Variants in HOXA3 observed in about 807,000 individuals in gnomAD.
HOXA3 encodes homeobox protein Hox-A3.
In HOXA3, 8 loss-of-function variants were observed where a neutral mutation model predicts 30.3. The ratio of observed to expected loss-of-function variants is 0.26; its 90% confidence interval spans 0.15 to 0.48. The LOEUF (loss-of-function observed/expected upper bound fraction) is 0.48, where lower values mean the gene tolerates loss of function less well. HOXA3 is among the 20% of genes least tolerant of loss of function. The probability of loss-of-function intolerance (pLI) is 0.99; values close to 1 mark genes in which losing one functional copy is unlikely to be tolerated. For missense variants in HOXA3, 653 were observed against 614.4 expected, an observed-to-expected ratio of 1.06 and a Z score of -0.66; for synonymous variants, 323 against 273.1, an observed-to-expected ratio of 1.18 and a Z score of -1.80.
chr7:27,143,742 A>T, intron 1 of HOXA3: 1 of 1,419,348 alleles, frequency 7.0e-7, no homozygotes, highest in Non-Finnish European at 9.2e-7. Flanking sequence ...GCACCCAAAT[A>T]TGGGGTACGA....
intron 1 of HOXA3, chr7:27,142,938 T>TG: frequency 9.5e-7 from 1 of 1,057,230 alleles, no homozygotes; most frequent in Non-Finnish European, 1.4e-6. Context: ...TCCGCAGGGC[T>TG]GGGAGAAATG....
intron 2 of HOXA3, among the ~76,000 whole-genome samples, chr7:27,139,042 G>C (rs1304456999): frequency 1.3e-5 from 2 of 152,116 alleles, no homozygotes; most frequent in South Asian, 2.1e-4. Context: ...GTTATCCAGG[G>C]GGCCGCCTAA....
At chr7:27,114,609 T>A (rs1358304150) in intron 4 of HOXA3, among the ~76,000 whole-genome samples, 5 of 150,730 alleles carry the variant, frequency 3.3e-5, no homozygotes, top group African/African-American at 1.2e-4. Context: ...AATGGGATGC[T>A]CTGGGCTCAG....
chr7:27,119,665 A>C (rs889767471), intron 4 of HOXA3: 1 of 152,116 alleles, frequency 6.6e-6, no homozygotes, highest in Non-Finnish European at 1.5e-5. Flanking sequence ...GTGAGGACTC[A>C]CTTATAGCAG....
At chr7:27,145,934 C>CCGGG (rs1782745640) in intron 1 of HOXA3, 1 of 1,606,586 alleles carries the variant, frequency 6.2e-7, no homozygotes, top group Non-Finnish European at 8.5e-7. Context: ...GCAGAAACGG[C>CCGGG]CGGGCGCCGG....
At position 27,110,716 on chromosome 7, in the gene HOXA3, C is replaced by A; in HGVS notation, c.-76G>T. The A allele has an allele frequency of 6.3e-7, 1 of 1,575,830 alleles. No individual in the cohort carries two copies. The highest frequency in any genetic ancestry group is 1.3e-5 in the African/African-American group (1 of 74,510). Reference sequence around the variant, plus strand: ...GTGAGGGCGCACATTGGCACGCCCCCGCGGTCACGTGACACTCCGCCGCCA... The same window carrying A: ...GTGAGGGCGCACATTGGCACGCCCCAGCGGTCACGTGACACTCCGCCGCCA... On this transcript the variant is annotated 5_prime_UTR_variant, in exon 5 of 6. Coordinates refer to ENST00000612286, the MANE Select transcript of HOXA3 (RefSeq NM_153631.3).
At position 27,152,458 on chromosome 7, in the gene HOXA3, C is replaced by T; in HGVS notation, c.-664G>A. Reference sequence around the variant, plus strand: ...GGAACGGAGCGCGCCCAATCTCCAGCGGGAGCCGCCAGGCCTGGCCTGGCC... The same window carrying T: ...GGAACGGAGCGCGCCCAATCTCCAGTGGGAGCCGCCAGGCCTGGCCTGGCC... On this transcript the variant is annotated 5_prime_UTR_variant, in exon 1 of 6. Coordinates refer to ENST00000612286, the MANE Select transcript of HOXA3 (RefSeq NM_153631.3). The T allele has an allele frequency of 8.7e-7, 1 of 1,153,890 alleles. No individual in the cohort carries two copies. The highest frequency in any genetic ancestry group is 1.1e-6 in the Non-Finnish European group (1 of 922,712). The allele number at this position is 1,153,890 out of a possible 1,614,324, so 71.5% of individuals were successfully genotyped here. A position where few individuals can be genotyped will look rare whatever the true frequency, so the allele number is the denominator to read the frequency against.
rs748084932 is a variant in HOXA3, at chr7:27,130,729, G to A, written c.-389-3659C>T. The A allele has an allele frequency of 5.0e-6, 8 of 1,605,490 alleles. No homozygotes were observed. The highest frequency in any genetic ancestry group is 1.3e-5 in the African/African-American group (1 of 74,572). On this transcript the variant is annotated intron_variant, in intron 2 of 5. Coordinates refer to ENST00000612286, the MANE Select transcript of HOXA3 (RefSeq NM_153631.3). ...GGAGTTTATCAAAAACGAGCTCATG[G>A]TCATTAATTTGTGAAGTGCAAAAAT... is the stretch of plus-strand genomic sequence containing the variant.
chr7:27,135,785 G>A (rs1232024185), intron 2 of HOXA3, among the ~76,000 whole-genome samples: 2 of 152,160 alleles, frequency 1.3e-5, no homozygotes, highest in African/African-American at 4.8e-5. Flanking sequence ...CCACAGATGA[G>A]TTTTTAGCAT....
intron 2 of HOXA3, among the ~76,000 whole-genome samples, chr7:27,135,935 C>T (rs1785697245): frequency 6.6e-6 from 1 of 152,208 alleles, no homozygotes; most frequent in Admixed American, 6.5e-5. Context: ...GCATGTATTA[C>T]TCTTGAAAAG....
chr7:27,145,932 G>T (rs531925898), intron 1 of HOXA3: 1 of 1,608,104 alleles, frequency 6.2e-7, no homozygotes, highest in Non-Finnish European at 8.5e-7. Flanking sequence ...GAGCAGAAAC[G>T]GCCGGGCGCC....
At chr7:27,130,144 C>T (rs1337145102) in intron 2 of HOXA3, 2 of 1,603,726 alleles carry the variant, frequency 1.2e-6, no homozygotes, top group African/African-American at 1.3e-5. Flanking sequence ...CTTCTTCATC[C>T]AGGGGTACAC....
chr7:27,115,165 C>T (rs1036757681), intron 4 of HOXA3, among the ~76,000 whole-genome samples: 5 of 151,686 alleles, frequency 3.3e-5, no homozygotes, highest in Non-Finnish European at 7.4e-5. Context: ...GTCAAGGAGC[C>T]AAAGTGTCAC....
intron 1 of HOXA3, chr7:27,142,116 C>T: frequency 6.2e-7 from 1 of 1,600,852 alleles, no homozygotes; most frequent in Non-Finnish European, 8.5e-7. Flanking sequence ...GTTTAGCCAC[C>T]AACTCCTGTC....
chr7:27,152,053 C>T (rs1310250458), intron 1 of HOXA3, among the ~76,000 whole-genome samples: 2 of 151,788 alleles, frequency 1.3e-5, no homozygotes, highest in Non-Finnish European at 2.9e-5. Context: ...CCAAGGCGAG[C>T]CAGGGAGGGG....
At chr7:27,114,880 T>TAATATATATTATATATATAATATTTA (rs11271601) in intron 4 of HOXA3, among the ~76,000 whole-genome samples, 1 of 98,404 alleles carries the variant, frequency 1.0e-5, no homozygotes, top group Admixed American at 1.2e-4. Flanking sequence ...ATTATATATA[T>TAATATATATTATATATATAATATTTA]GTATATACAT....
Position 27,110,693 on chromosome 7 carries a change from G to A in HOXA3, c.-53C>T. ...ACTCTGACAGGGGTTTGACACCCGTGAGGGCGCACATTGGCACGCCCCCGC... is the reference window on the plus strand; with the variant it reads ...ACTCTGACAGGGGTTTGACACCCGTAAGGGCGCACATTGGCACGCCCCCGC... On this transcript the variant is annotated 5_prime_UTR_variant, in exon 5 of 6. Transcript: ENST00000612286. The A allele has an allele frequency of 6.3e-7, 1 of 1,585,278 alleles. No homozygotes were observed. Among genetic ancestry groups the A allele is most frequent in the East Asian group, 2.3e-5 (1 of 43,998 alleles).
chr7:27,144,308 A>G (rs1448699637), intron 1 of HOXA3, among the ~76,000 whole-genome samples: 1 of 152,158 alleles, frequency 6.6e-6, no homozygotes. Context: ...CAGCAGCTAC[A>G]ATTACGGCTC....
At chr7:27,137,692 C>T (rs964902469) in intron 2 of HOXA3, among the ~76,000 whole-genome samples, 1 of 152,176 alleles carries the variant, frequency 6.6e-6, no homozygotes, top group Non-Finnish European at 1.5e-5. Context: ...TTCCATGTGG[C>T]CATGTGGGTT....
Sources: allele counts gnomAD v4.1 joint callset (sites outside exome capture counted in the v4.1 genomes callset), GRCh38; gene constraint gnomAD v4.1.1; transcripts MANE v1.5; gene names NCBI Gene and HGNC (gene_info 2026-07-23, HGNC 2026-07-21).